PSD3: variants seen among roughly 807,000 people sequenced by gnomAD.
The protein encoded by PSD3 is PH and SEC7 domain-containing protein 3.
A neutral mutation model predicts 105.5 loss-of-function variants in PSD3; 49 were observed. The observed-to-expected ratio is 0.46, with a 90% CI of 0.37 to 0.59. PSD3 has a LOEUF of 0.59. Ranked by LOEUF, PSD3 falls within the 20% of genes least tolerant of loss-of-function variation. The pLI, the probability that PSD3 is intolerant of heterozygous loss-of-function variation, is 0.00. For missense variants in PSD3, 1,561 were observed against 1,263.8 expected (o/e 1.24, Z -3.57); for synonymous variants, 557 against 457.8 (o/e 1.22, Z -2.77).
intron 14 of PSD3, among the ~76,000 whole-genome samples, chr8:18,565,246 A>C (rs1300334320): frequency 6.6e-6 from 1 of 152,186 alleles, no homozygotes; most frequent in East Asian, 1.9e-4. Context: ...TGGTGGGCAG[A>C]AAGGGAGGTT....
At chr8:18,694,529 G>C (rs370159191) in intron 9 of PSD3, among the ~76,000 whole-genome samples, 8 of 150,366 alleles carry the variant, frequency 5.3e-5, no homozygotes, top group African/African-American at 7.3e-5. Context: ...AGAATGGCGT[G>C]AACCCGGGAG....
Position 18,575,114 on chromosome 8 carries a change from C to T in PSD3, c.2639+14G>A. On this transcript the variant is annotated intron_variant, in intron 13 of 15. Coordinates refer to ENST00000327040, the MANE Select transcript of PSD3 (RefSeq NM_015310.4). ...ACTAAAACACAAAATCAAATAAAAACCAACAAAACATACTGAGTTTGAAAA... is the reference window on the plus strand; with the variant it reads ...ACTAAAACACAAAATCAAATAAAAATCAACAAAACATACTGAGTTTGAAAA... 6.2e-7 allele frequency: 1 copy of T among 1,606,668 alleles called. No individual in the cohort carries two copies. Among genetic ancestry groups the T allele is most frequent in the Non-Finnish European group, 8.5e-7 (1 of 1,176,766 alleles).
At chr8:18,987,595 A>G (rs566204186) in intron 1 of PSD3, among the ~76,000 whole-genome samples, 2 of 152,176 alleles carry the variant, frequency 1.3e-5, no homozygotes, top group African/African-American at 4.8e-5. Context: ...AAGGCAGAGG[A>G]TCATTTGAAG....
chr8:18,815,111 T>C (rs1051657955), intron 4 of PSD3, among the ~76,000 whole-genome samples: 5 of 152,148 alleles, frequency 3.3e-5, no homozygotes, highest in Non-Finnish European at 7.3e-5. Flanking sequence ...CTTTCTTGAT[T>C]AGGTAATAAA....
intron 1 of PSD3, among the ~76,000 whole-genome samples, chr8:18,954,887 T>C (rs11776741): frequency 1.3e-5 from 2 of 151,812 alleles, no homozygotes; most frequent in African/African-American, 4.8e-5. Context: ...TCCACCCTCA[T>C]CCCAAGTTCA....
intron 9 of PSD3, among the ~76,000 whole-genome samples, chr8:18,699,249 A>G (rs560131902): frequency 6.6e-6 from 1 of 152,340 alleles, no homozygotes; most frequent in Admixed American, 6.5e-5. Context: ...AAAAATTCAT[A>G]AGTCCCCGAA....
At position 19,073,529 on chromosome 8, in the gene PSD3, C is replaced by T. The variant is rs180722970; in HGVS notation, c.324+10677G>A. Among the ~76,000 whole-genome samples, 745 of 119,592 alleles carry T rather than the reference C, an allele frequency of 6.2e-3. 5 individuals are homozygous for T. The highest frequency in any genetic ancestry group is 9.1e-3 in the Non-Finnish European group (562 of 61,972). 78.5% of individuals were successfully genotyped at this position (119,592 alleles called of 152,430 possible). A position where few individuals can be genotyped will look rare whatever the true frequency, so the allele number is the denominator to read the frequency against. ...TCACGACACTGCACTCCAGCCTGGGCGACAGAGTGAAACTGTCTCTCAAAA... is the reference window on the plus strand; with the variant it reads ...TCACGACACTGCACTCCAGCCTGGGTGACAGAGTGAAACTGTCTCTCAAAA... On this transcript the variant is annotated intron_variant, in intron 1 of 1. Coordinates refer to the PSD3 transcript ENST00000521475.
chr8:19,071,714 C>A (rs920247391), intron 1 of PSD3, among the ~76,000 whole-genome samples: 1 of 151,636 alleles, frequency 6.6e-6, no homozygotes, highest in South Asian at 2.1e-4. Flanking sequence ...CCTCCGACTT[C>A]TTCTTCTTCT....
intron 14 of PSD3, among the ~76,000 whole-genome samples, chr8:18,561,964 T>A (rs1311389519): frequency 2.0e-5 from 3 of 152,052 alleles, no homozygotes; most frequent in Non-Finnish European, 2.9e-5. Context: ...AAGTATAAGA[T>A]TTACATAGTA....
Position 18,535,511 on chromosome 8 carries a change from T to G in PSD3, c.*232A>C. The stretch of plus-strand genomic sequence containing the variant: ...TCATTCTGAAATCACGATCCCCTCC[T>G]CCTCACAGAAAAGGTGCATTAGCTA... On this transcript the variant is annotated 3_prime_UTR_variant, in exon 16 of 16. Coordinates refer to ENST00000327040, the MANE Select transcript of PSD3 (RefSeq NM_015310.4). 1 of 532,604 alleles carries G rather than the reference T, an allele frequency of 1.9e-6. No individual in the cohort carries two copies. The highest frequency in any genetic ancestry group is 2.6e-5 in the South Asian group (1 of 38,786). The allele number at this position is 532,604 out of a possible 1,614,324, so 33.0% of individuals were successfully genotyped here. A position where few individuals can be genotyped will look rare whatever the true frequency, so the allele number is the denominator to read the frequency against.
chr8:18,634,056 A>G (rs530695651), intron 10 of PSD3, among the ~76,000 whole-genome samples: 3 of 152,048 alleles, frequency 2.0e-5, no homozygotes, highest in Admixed American at 6.6e-5. Context: ...GGCCATTTGT[A>G]TATCTTCTTT....
At chr8:19,025,368 T>C (rs1827512265) in intron 1 of PSD3, among the ~76,000 whole-genome samples, 1 of 150,574 alleles carries the variant, frequency 6.6e-6, no homozygotes, top group South Asian at 2.1e-4. Context: ...CCAAACCCCG[T>C]TGGGCATGAC....
At chr8:18,704,260 G>C (rs1801759360) in intron 9 of PSD3, among the ~76,000 whole-genome samples, 4 of 152,304 alleles carry the variant, frequency 2.6e-5, no homozygotes, top group Non-Finnish European at 1.5e-5. Flanking sequence ...TCTAAATGAA[G>C]AATCTCCCTT....
intron 12 of PSD3, among the ~76,000 whole-genome samples, chr8:18,591,256 C>G (rs1241073480): frequency 5.9e-5 from 9 of 152,096 alleles, no homozygotes; most frequent in Admixed American, 5.9e-4. Flanking sequence ...CCTGACATCT[C>G]TGATGGGGGA....
At chr8:18,979,243 A>T (rs1825125557) in intron 1 of PSD3, among the ~76,000 whole-genome samples, 1 of 152,064 alleles carries the variant, frequency 6.6e-6, no homozygotes, top group South Asian at 2.1e-4. Flanking sequence ...GTTGCCAAGA[A>T]GTATATCCAA....
At chr8:18,758,195 CT>C (rs1806216758) in intron 9 of PSD3, among the ~76,000 whole-genome samples, 1 of 152,038 alleles carries the variant, frequency 6.6e-6, no homozygotes, top group Admixed American at 6.6e-5. Context: ...TCCAGCTATA[CT>C]TGTACTCAGC....
chr8:18,702,836 T>G (rs1019185515), intron 9 of PSD3, among the ~76,000 whole-genome samples: 1 of 151,920 alleles, frequency 6.6e-6, no homozygotes. Flanking sequence ...ATGGTCTCGA[T>G]CTCCTGACCT....
intron 12 of PSD3, among the ~76,000 whole-genome samples, chr8:18,590,031 A>T (rs1408638079): frequency 6.6e-6 from 1 of 152,212 alleles, no homozygotes; most frequent in Non-Finnish European, 1.5e-5. Context: ...AAAAAAACAA[A>T]AACAAGCAAA....
At chr8:18,561,384 A>G (rs1015229658) in intron 14 of PSD3, among the ~76,000 whole-genome samples, 5 of 152,208 alleles carry the variant, frequency 3.3e-5, no homozygotes, top group Admixed American at 1.3e-4. Context: ...GCACAGAAAG[A>G]CAGATATTGG....
Sources: allele counts gnomAD v4.1 joint callset (sites outside exome capture counted in the v4.1 genomes callset), GRCh38; gene constraint gnomAD v4.1.1; transcripts MANE v1.5; gene names NCBI Gene and HGNC (gene_info 2026-07-23, HGNC 2026-07-21).